The following TMEM26 variants were observed in gnomAD, a reference collection of about 807,000 sequenced individuals.
TMEM26 encodes the protein transmembrane protein 26.
Under a neutral mutation model 28.8 loss-of-function variants are expected in TMEM26, and 38 were observed. The ratio of observed to expected loss-of-function variants is 1.32; its 90% CI spans 1.02 to 1.73. TMEM26 has a LOEUF of 1.73. TMEM26 is among the 40% of genes most tolerant of loss of function. The pLI is 0.00. For missense variants in TMEM26, 518 were observed against 447.1 expected, an observed-to-expected ratio of 1.16 and a Z score of -1.43; for synonymous variants, 227 against 182.9, an observed-to-expected ratio of 1.24 and a Z score of -1.95.
chr10:61,413,338 A>G, intron 5 of TMEM26, 121 bp downstream of exon 5: 1 of 1,456,930 alleles, frequency 6.9e-7, no homozygotes, highest in Non-Finnish European at 9.1e-7. Flanking sequence ...TCTAAGCTGA[A>G]CTAGAACTAA....
rs1183278311 is a variant in TMEM26 at position 61,410,676 on chromosome 10, A to C, written c.753T>G (p.Ser251Arg). 6.2e-7 allele frequency: 1 copy of C among 1,614,160 alleles called. No homozygotes were observed. The highest frequency in any genetic ancestry group is 1.7e-5 in the Admixed American group (1 of 60,016). The change falls in exon 6 of 6, where the codon AGT (serine) becomes AGG (arginine). Residue 251 changes from serine (S) to arginine (R), a missense_variant. Transcript: ENST00000399298. ...GFPSLFFCQY[S>R]ADLWNIGISV... ...TGATTCCGATGTTCCACAGATCGGC[A>C]CTGTACTGGCAAAAGAACAGGCTGG...
chr10:61,410,771 A>G (rs1839557285), intron 5 of TMEM26, 25 bp from the exon 6 acceptor site: 3 of 1,606,872 alleles, frequency 1.9e-6, no homozygotes, highest in Non-Finnish European at 2.6e-6. Context: ...CAGACTAGTT[A>G]CTATCTCTCT....
At chr10:61,422,504 C>A (rs1205523316) in intron 4 of TMEM26, among the ~76,000 whole-genome samples, 1 of 152,006 alleles carries the variant, frequency 6.6e-6, no homozygotes, top group East Asian at 1.9e-4. Flanking sequence ...AGAAAAAAGT[C>A]TAAAAGATCC....
At chr10:61,449,094 T>C (rs1840232251) in intron 1 of TMEM26, among the ~76,000 whole-genome samples, 1 of 152,242 alleles carries the variant, frequency 6.6e-6, no homozygotes, top group Non-Finnish European at 1.5e-5. Context: ...CCAAGTGATA[T>C]TCATTTTCAT....
chr10:61,449,485 T>C (rs1002044206), intron 1 of TMEM26, among the ~76,000 whole-genome samples: 4 of 152,220 alleles, frequency 2.6e-5, no homozygotes, highest in Non-Finnish European at 5.9e-5. Context: ...ACTGGATAAG[T>C]GTCATATGTT....
chr10:61,411,723 A>G (rs1839572544), intron 5 of TMEM26, among the ~76,000 whole-genome samples: 1 of 152,224 alleles, frequency 6.6e-6, no homozygotes. Flanking sequence ...CTTTGTCTTA[A>G]TTTCTGAAAT....
chr10:61,416,458 C>A (rs1839653902), intron 4 of TMEM26, among the ~76,000 whole-genome samples: 1 of 151,988 alleles, frequency 6.6e-6, no homozygotes, highest in Non-Finnish European at 1.5e-5. Context: ...ATGAGGAAGA[C>A]AATAATAATA....
chr10:61,413,713 T>A, intron 4 of TMEM26, 178 bp from the exon 5 acceptor site: 1 of 1,299,090 alleles, frequency 7.7e-7, no homozygotes, highest in East Asian at 2.9e-5. Flanking sequence ...AATGAAGAAG[T>A]GAAAAATAAA....
intron 4 of TMEM26, chr10:61,414,926 T>C (rs757274518): frequency 6.9e-5 from 66 of 949,716 alleles, no homozygotes; most frequent in Non-Finnish European, 8.1e-5. Context: ...TAAGAAATAT[T>C]CCAGGTGTGA....
At position 61,410,419 on chromosome 10, in the gene TMEM26, G is replaced by A; in HGVS notation, c.1010C>T (p.Pro337Leu). The A allele has an allele frequency of 6.2e-7, 1 of 1,613,978 alleles. No individual in the cohort carries two copies. The highest frequency in any genetic ancestry group is 1.1e-5 in the South Asian group (1 of 91,056). Residue 337 changes from proline to leucine, a missense_variant, in exon 6 of 6, where the codon CCC becomes CTC. Pro to Leu is a moderately conservative substitution (Grantham distance 98). Transcript: ENST00000399298. The part of the protein sequence containing the change: ...GCRAQTSESG[P>L]SQRDWQNESK... ...CTCGTTCTGCCAGTCCCGCTGAGAG[G>A]GCCCACTCTCAGAGGTCTGTGCCCG...
chr10:61,421,798 C>T (rs1263536685), intron 4 of TMEM26, among the ~76,000 whole-genome samples: 4 of 152,038 alleles, frequency 2.6e-5, no homozygotes, highest in Non-Finnish European at 5.9e-5. Context: ...TTGTTTTAAG[C>T]CACCATGTTT....
intron 4 of TMEM26, among the ~76,000 whole-genome samples, chr10:61,416,950 C>T (rs10994757): frequency 0.12 from 18,280 of 151,808 alleles, 1,989 homozygotes; most frequent in African/African-American, 0.29. Flanking sequence ...ACACAAAATA[C>T]GGAAGAATGT....
At chr10:61,424,541 T>A (rs1564475648) in intron 4 of TMEM26, among the ~76,000 whole-genome samples, 1 of 152,208 alleles carries the variant, frequency 6.6e-6, no homozygotes, top group Non-Finnish European at 1.5e-5. Flanking sequence ...GTTATTTTTT[T>A]AATTTTTTAC....
chr10:61,437,205 G>A (rs1840022232), intron 1 of TMEM26, among the ~76,000 whole-genome samples: 1 of 152,044 alleles, frequency 6.6e-6, no homozygotes, highest in Non-Finnish European at 1.5e-5. Flanking sequence ...TTATTGGATT[G>A]GGACCCTACC....
At position 61,408,954 on chromosome 10, in the gene TMEM26, T is replaced by A. The variant is rs1839529555; in HGVS notation, c.*1368A>T. The A allele has an allele frequency of 6.6e-6, 1 of 152,196 alleles. No homozygotes were observed. The highest frequency in any genetic ancestry group is 2.4e-5 in the African/African-American group (1 of 41,466). The allele number at this position is 152,196 out of a possible 1,614,324, so 9.4% of individuals were successfully genotyped here. Reference sequence around the variant, plus strand: ...CAGATAAAATTGTCCCAACTGGTTGTCAATAAGTCATACCAAATTAAGGGC... The same window carrying A: ...CAGATAAAATTGTCCCAACTGGTTGACAATAAGTCATACCAAATTAAGGGC... On this transcript the variant is annotated 3_prime_UTR_variant, in exon 6 of 6. Coordinates refer to ENST00000399298, the MANE Select transcript of TMEM26 (RefSeq NM_178505.8).
chr10:61,445,452 A>T (rs1840164169), intron 1 of TMEM26, among the ~76,000 whole-genome samples: 1 of 152,220 alleles, frequency 6.6e-6, no homozygotes, highest in African/African-American at 2.4e-5. Flanking sequence ...AGTGGATAAC[A>T]TTAAGTCAGT....
intron 5 of TMEM26, among the ~76,000 whole-genome samples, chr10:61,413,188 G>A (rs1028058242): frequency 1.3e-4 from 20 of 152,046 alleles, no homozygotes; most frequent in African/African-American, 4.8e-4. Flanking sequence ...TTTGCAGGAG[G>A]TCTTATAAAT....
At chr10:61,412,414 T>C (rs1392905444) in intron 5 of TMEM26, among the ~76,000 whole-genome samples, 1 of 152,156 alleles carries the variant, frequency 6.6e-6, no homozygotes, top group Non-Finnish European at 1.5e-5. Flanking sequence ...CCTCTGAGCC[T>C]ACAAAAGTGA....
intron 1 of TMEM26, among the ~76,000 whole-genome samples, chr10:61,443,162 C>A (rs1840122455): frequency 6.6e-6 from 1 of 151,920 alleles, no homozygotes; most frequent in Admixed American, 6.6e-5. Context: ...TTAAAAGGTG[C>A]CAAGATCAGG....
Sources: allele counts gnomAD v4.1 joint callset (sites outside exome capture counted in the v4.1 genomes callset), GRCh38; gene constraint gnomAD v4.1.1; transcripts MANE v1.5; gene names NCBI Gene and HGNC (gene_info 2026-07-23, HGNC 2026-07-21).